Variants in COL19A1 observed in about 807,000 individuals in gnomAD.
COL19A1 encodes the protein collagen type XIX alpha 1 chain, also known as collagen alpha-1(XIX) chain.
In COL19A1, 159 loss-of-function variants were observed where a neutral mutation model predicts 190.2. That is an observed-to-expected ratio of 0.84 (90% CI 0.73 to 0.95). COL19A1 has a LOEUF of 0.95. COL19A1 is among the 40% of genes least tolerant of loss of function. COL19A1 has a pLI of 0.00. For synonymous variants in COL19A1, 509 were observed against 458.9 expected, an observed-to-expected ratio of 1.11 and a Z score of -1.39; for missense variants, 1,418 against 1,431.9, an observed-to-expected ratio of 0.99 and a Z score of 0.16.
chr6:70,108,759 C>A (rs1007978356), intron 16 of COL19A1, among the ~76,000 whole-genome samples: 2 of 152,012 alleles, frequency 1.3e-5, no homozygotes, highest in Non-Finnish European at 2.9e-5. Flanking sequence ...GGAGCTTACT[C>A]CAACAAAACA....
intron 11 of COL19A1, among the ~76,000 whole-genome samples, chr6:69,997,042 GAGAGAGAA>G (rs1184308954): frequency 6.1e-5 from 9 of 148,756 alleles, no homozygotes; most frequent in African/African-American, 2.1e-4. Flanking sequence ...GAGAGAGAGA[GAGAGAGAA>G]AGAGAACCAA....
intron 16 of COL19A1, among the ~76,000 whole-genome samples, chr6:70,108,945 A>T (rs1448652975): frequency 6.6e-6 from 1 of 152,146 alleles, no homozygotes; most frequent in Non-Finnish European, 1.5e-5. Context: ...AGGGTGTAAA[A>T]TTTAATTTAT....
intron 16 of COL19A1, among the ~76,000 whole-genome samples, chr6:70,105,813 G>C (rs1783920483): frequency 1.3e-5 from 2 of 152,092 alleles, no homozygotes; most frequent in Admixed American, 1.3e-4. Flanking sequence ...AATGTGAAAT[G>C]TATTTTTTAA....
chr6:69,962,703 G>T, intron 10 of COL19A1, 123 bp from the exon 11 acceptor site: 1 of 555,862 alleles, frequency 1.8e-6, no homozygotes. Context: ...GAGCTTACAT[G>T]TTAGAAATGG....
chr6:70,084,681 TGAATATTAG>T (rs1782476894), intron 15 of COL19A1, among the ~76,000 whole-genome samples: 3 of 152,160 alleles, frequency 2.0e-5, no homozygotes, highest in Admixed American at 2.0e-4. Flanking sequence ...CTTGTGCAGA[TGAATATTAG>T]GTGGTGGGTA....
chr6:70,174,730 A>G (rs1765706199), intron 41 of COL19A1, among the ~76,000 whole-genome samples: 1 of 152,210 alleles, frequency 6.6e-6, no homozygotes, highest in South Asian at 2.1e-4. Flanking sequence ...ACTGGTATAC[A>G]CAAGGGAATG....
At chr6:70,081,993 C>T (rs1017679809) in intron 15 of COL19A1, among the ~76,000 whole-genome samples, 1 of 152,142 alleles carries the variant, frequency 6.6e-6, no homozygotes, top group Non-Finnish European at 1.5e-5. Flanking sequence ...ATATTATTCT[C>T]ATAGCTTTAC....
At chr6:69,997,629 T>C (rs892098566) in intron 11 of COL19A1, among the ~76,000 whole-genome samples, 2 of 152,046 alleles carry the variant, frequency 1.3e-5, no homozygotes, top group East Asian at 3.9e-4. Flanking sequence ...CACAGTAGAT[T>C]TGAGGTGGCA....
chr6:70,052,560 C>T (rs11964672), intron 14 of COL19A1, among the ~76,000 whole-genome samples: 69 of 152,272 alleles, frequency 4.5e-4, no homozygotes, highest in African/African-American at 1.5e-3. Context: ...TACTTCTCTT[C>T]AGTCTATACT....
At chr6:70,154,466 A>G (rs1459464853) in intron 31 of COL19A1, among the ~76,000 whole-genome samples, 2 of 152,172 alleles carry the variant, frequency 1.3e-5, no homozygotes, top group Non-Finnish European at 2.9e-5. Context: ...TCCTTTGGGT[A>G]TATACCCAGT....
At chr6:69,932,032 C>T (rs914810105) in intron 6 of COL19A1, among the ~76,000 whole-genome samples, 2 of 151,872 alleles carry the variant, frequency 1.3e-5, no homozygotes, top group African/African-American at 4.8e-5. Context: ...ATTCAAACAG[C>T]CTATTTAAGA....
intron 7 of COL19A1, among the ~76,000 whole-genome samples, chr6:69,934,288 G>A (rs544118495): frequency 9.9e-5 from 15 of 151,950 alleles, no homozygotes; most frequent in Non-Finnish European, 1.8e-4. Context: ...AATTTAGAAT[G>A]CCAATCTACA....
chr6:69,918,027 T>C (rs993813524), intron 4 of COL19A1, among the ~76,000 whole-genome samples: 2 of 152,090 alleles, frequency 1.3e-5, no homozygotes, highest in African/African-American at 4.8e-5. Context: ...ATGAGCCTAG[T>C]GTGTTCAAGG....
intron 15 of COL19A1, among the ~76,000 whole-genome samples, chr6:70,090,386 C>T (rs1050210566): frequency 6.6e-6 from 1 of 152,076 alleles, no homozygotes; most frequent in Non-Finnish European, 1.5e-5. Context: ...ATTTACATGG[C>T]ATTTTCATTG....
intron 4 of COL19A1, among the ~76,000 whole-genome samples, chr6:69,920,420 A>G (rs1464294455): frequency 1.3e-5 from 2 of 152,176 alleles, no homozygotes; most frequent in Non-Finnish European, 2.9e-5. Flanking sequence ...TTTCTGCAAC[A>G]TTGAAGTGAA....
chr6:69,901,710 C>A (rs1212616268), intron 4 of COL19A1, among the ~76,000 whole-genome samples: 3 of 152,178 alleles, frequency 2.0e-5, no homozygotes, highest in Admixed American at 1.3e-4. Flanking sequence ...GAGTAGATAA[C>A]TTTAATTAAT....
At chr6:70,110,993 G>A (rs2150198781) in intron 16 of COL19A1, among the ~76,000 whole-genome samples, 1 of 152,266 alleles carries the variant, frequency 6.6e-6, no homozygotes, top group East Asian at 1.9e-4. Flanking sequence ...ATTTCTTTGT[G>A]TTGGGTAAAC....
chr6:70,117,521 G>A (rs1313715341), intron 16 of COL19A1, among the ~76,000 whole-genome samples: 1 of 152,208 alleles, frequency 6.6e-6, no homozygotes, highest in Non-Finnish European at 1.5e-5. Context: ...ATTGCTGAGA[G>A]TATATACTTC....
Position 70,150,011 on chromosome 6 carries a change from G to A in COL19A1, c.2003G>A (p.Gly668Glu). The A allele has an allele frequency of 3.1e-6, 5 of 1,613,824 alleles. No individual in the cohort carries two copies. Among genetic ancestry groups the A allele is most frequent in the Non-Finnish European group, 4.2e-6 (5 of 1,179,810 alleles). ...TTTCAGGGAGTTCCAGGGAGAGATGGAAAGCCAGGCCTGCCAGGCCCCCCA... is the reference window on the plus strand; with the variant it reads ...TTTCAGGGAGTTCCAGGGAGAGATGAAAAGCCAGGCCTGCCAGGCCCCCCA... ...PGNDGVPGRD[G>E]KPGLPGPPGD... Residue 668 changes from glycine (G) to glutamate (E), a missense_variant, in exon 30 of 51, where the codon GGA (glycine) becomes GAA (glutamate). By Grantham distance (98) the Gly-to-Glu change is moderately conservative. Transcript: ENST00000620364.
Sources: allele counts gnomAD v4.1 joint callset (sites outside exome capture counted in the v4.1 genomes callset), GRCh38; gene constraint gnomAD v4.1.1; transcripts MANE v1.5; gene names NCBI Gene and HGNC (gene_info 2026-07-23, HGNC 2026-07-21).